PIK3C2A: variants seen among roughly 807,000 people sequenced by gnomAD.
PIK3C2A encodes the protein phosphatidylinositol-4-phosphate 3-kinase catalytic subunit type 2 alpha, also known as phosphatidylinositol 4-phosphate 3-kinase C2 domain-containing subunit alpha.
In PIK3C2A, 97 loss-of-function variants were observed where a neutral mutation model predicts 204.5. The observed-to-expected ratio is 0.47, with a 90% CI of 0.40 to 0.56. PIK3C2A has a LOEUF of 0.56. Ranked by LOEUF, PIK3C2A falls within the 20% of genes least tolerant of loss-of-function variation. The pLI, the probability that PIK3C2A is intolerant of heterozygous loss-of-function variation, is 0.00. For missense variants in PIK3C2A, 1,735 were observed against 1,969.2 expected (o/e 0.88, Z 2.25); for synonymous variants, 653 against 664.4 (o/e 0.98, Z 0.26).
intron 8 of PIK3C2A, among the ~76,000 whole-genome samples, chr11:17,140,358 T>C (rs1306225706): frequency 1.3e-5 from 2 of 152,166 alleles, no homozygotes; most frequent in Non-Finnish European, 2.9e-5. Flanking sequence ...GGCTCATACA[T>C]AAATGTTTAT....
chr11:17,204,332 CA>C (rs1484714129), intron 1 of PIK3C2A: 1 of 152,158 alleles, frequency 6.6e-6, no homozygotes, highest in Non-Finnish European at 1.5e-5. Flanking sequence ...TTTTGGCTCA[CA>C]TATTTCTCAT....
chr11:17,132,451 T>A (rs529678840), intron 11 of PIK3C2A, among the ~76,000 whole-genome samples: 1 of 147,208 alleles, frequency 6.8e-6, no homozygotes, highest in East Asian at 2.1e-4. Flanking sequence ...TGCCTCAGCC[T>A]CCCGAGTAGC....
intron 13 of PIK3C2A, among the ~76,000 whole-genome samples, chr11:17,126,272 G>A (rs766629392): frequency 3.3e-5 from 5 of 152,002 alleles, no homozygotes; most frequent in Non-Finnish European, 5.9e-5. Flanking sequence ...ATTTGTGCTG[G>A]ACATGGTAGC....
chr11:17,191,748 G>A (rs911804024), intron 1 of PIK3C2A, among the ~76,000 whole-genome samples: 20 of 152,132 alleles, frequency 1.3e-4, no homozygotes, highest in Non-Finnish European at 1.8e-4. Flanking sequence ...TGGTCTTATG[G>A]AAGACTGTGT....
chr11:17,117,437 A>T, intron 19 of PIK3C2A, 54 bp downstream of exon 19: 2 of 1,275,180 alleles, frequency 1.6e-6, no homozygotes, highest in Non-Finnish European at 2.2e-6. Flanking sequence ...TCAGCACCAT[A>T]AAGATCCTTC....
At chr11:17,158,128 T>A (rs1259531081) in intron 2 of PIK3C2A, among the ~76,000 whole-genome samples, 2 of 152,086 alleles carry the variant, frequency 1.3e-5, no homozygotes, top group African/African-American at 4.8e-5. Context: ...GGCAGGCAAA[T>A]CACCTGAGGT....
intron 1 of PIK3C2A, among the ~76,000 whole-genome samples, chr11:17,175,968 A>G (rs2137508420): frequency 6.6e-6 from 1 of 150,934 alleles, no homozygotes; most frequent in Admixed American, 6.7e-5. Context: ...TATAAACCTT[A>G]AAGGAAAATA....
At chr11:17,167,420 C>T (rs1255117127) in intron 2 of PIK3C2A, among the ~76,000 whole-genome samples, 1 of 151,988 alleles carries the variant, frequency 6.6e-6, no homozygotes, top group Non-Finnish European at 1.5e-5. Flanking sequence ...GTCGGGAGTT[C>T]GAGACCAGCC....
chr11:17,127,690 T>C (rs1232998859), intron 13 of PIK3C2A, among the ~76,000 whole-genome samples: 1 of 152,172 alleles, frequency 6.6e-6, no homozygotes, highest in Non-Finnish European at 1.5e-5. Flanking sequence ...CATCCTATTA[T>C]TGTCAACAGA....
chr11:17,145,794 C>T, intron 7 of PIK3C2A, 63 bp from the exon 8 acceptor site: 1 of 1,551,278 alleles, frequency 6.4e-7, no homozygotes, highest in Non-Finnish European at 8.9e-7. Flanking sequence ...GTTTTCATCA[C>T]CAAAATAAGT....
intron 2 of PIK3C2A, among the ~76,000 whole-genome samples, chr11:17,167,920 G>A (rs1851021742): frequency 6.6e-6 from 1 of 151,804 alleles, no homozygotes; most frequent in African/African-American, 2.4e-5. Flanking sequence ...TCTTCTCTCT[G>A]GGGTTATTTA....
At chr11:17,207,471 C>T (rs1283580361) in intron 1 of PIK3C2A, among the ~76,000 whole-genome samples, 1 of 152,204 alleles carries the variant, frequency 6.6e-6, no homozygotes, top group Non-Finnish European at 1.5e-5. Context: ...GGACCGGCCA[C>T]TGCGGCTCCA....
rs779406844 is a variant in PIK3C2A, at chr11:17,114,366, T to C, written c.3316A>G (p.Ile1106Val). Residue 1106 changes from isoleucine to valine, a missense_variant, in exon 20 of 33, where the codon ATT becomes GTT. By Grantham distance (29) the Ile-to-Val change is conservative. Coordinates refer to ENST00000691414, the MANE Select transcript of PIK3C2A (RefSeq NM_002645.4). ...ATAAGTATTTTATGTGTCACCTTAATATTTAATTCTTTTGCCACTAGACTT... is the reference window on the plus strand; with the variant it reads ...ATAAGTATTTTATGTGTCACCTTAACATTTAATTCTTTTGCCACTAGACTT... ...KPSLVAKELN[I>V]KSCSFFSSNA... is the part of the protein sequence containing the mutation. 2 of 1,439,526 alleles carry C rather than the reference T, an allele frequency of 1.4e-6. No individual in the cohort carries two copies. Among genetic ancestry groups the C allele is most frequent in the East Asian group, 4.5e-5 (2 of 43,984 alleles). The allele number at this position is 1,439,526 out of a possible 1,614,324, so 89.2% of individuals were successfully genotyped here. A position where few individuals can be genotyped will look rare whatever the true frequency, so the allele number is the denominator to read the frequency against.
rs573100542 is a variant in PIK3C2A, at chr11:17,095,935, AATAAC to A, written c.4326+1117_4326+1121del. Among the ~76,000 whole-genome samples, 464 of 151,936 alleles carry A rather than the reference AATAAC, an allele frequency of 3.1e-3. 3 individuals are homozygous for A. The highest frequency in any genetic ancestry group is 0.01 in the African/African-American group (435 of 41,548). On this transcript the variant is annotated intron_variant, in intron 27 of 32. Coordinates refer to ENST00000691414, the MANE Select transcript of PIK3C2A (RefSeq NM_002645.4). ...CTTTTATATTTATAAAATAAAATAA[AATAAC>A]ATAACATAAAATAAAATAAAAATAA...
intron 19 of PIK3C2A, chr11:17,115,521 A>G (rs1301956773): frequency 6.6e-6 from 1 of 151,108 alleles, no homozygotes; most frequent in African/African-American, 2.4e-5. Context: ...AGCCTGGGCA[A>G]CAGAGAGACC....
intron 15 of PIK3C2A, among the ~76,000 whole-genome samples, chr11:17,120,360 T>A (rs1849332674): frequency 6.6e-6 from 1 of 151,792 alleles, no homozygotes; most frequent in South Asian, 2.1e-4. Context: ...AAAAAAAAAA[T>A]ACTACTATAA....
intron 27 of PIK3C2A, among the ~76,000 whole-genome samples, chr11:17,095,660 A>C (rs191429937): frequency 1.3e-5 from 2 of 152,052 alleles, no homozygotes; most frequent in Admixed American, 1.3e-4. Flanking sequence ...ACATAATCCC[A>C]GAACTTCGAG....
intron 20 of PIK3C2A, 114 bp downstream of exon 20, chr11:17,114,243 ATGCT>A (rs777676120): frequency 1.8e-6 from 1 of 562,780 alleles, no homozygotes; most frequent in Non-Finnish European, 3.2e-6. Flanking sequence ...ACAACCATCC[ATGCT>A]TATAACCAAC....
intron 13 of PIK3C2A, 84 bp from the exon 14 acceptor site, chr11:17,122,897 T>C (rs186535377): frequency 1.6e-6 from 1 of 634,760 alleles, no homozygotes; most frequent in Admixed American, 3.0e-5. Context: ...ATTTGAAAAG[T>C]TAGTATGAGA....
Sources: allele counts gnomAD v4.1 joint callset (sites outside exome capture counted in the v4.1 genomes callset), GRCh38; gene constraint gnomAD v4.1.1; transcripts MANE v1.5; gene names NCBI Gene and HGNC (gene_info 2026-07-23, HGNC 2026-07-21).